Variants in MAPDA observed in about 807,000 individuals in gnomAD.
The protein encoded by MAPDA is N6,N6-dimethyl-AMP deaminase.
chr15:43,339,538 T>G, the MAPDA span, among the ~76,000 whole-genome samples: 1 of 152,262 alleles, frequency 6.6e-6, no homozygotes, highest in South Asian at 2.1e-4. Flanking sequence ...CAGATTAAGA[T>G]TAGGATACCA....
At chr15:43,344,086 T>G in the MAPDA span, among the ~76,000 whole-genome samples, 1 of 152,108 alleles carries the variant, frequency 6.6e-6, no homozygotes, top group African/African-American at 2.4e-5. Flanking sequence ...CTTTAAATCC[T>G]GCACTGGTAC....
the MAPDA span, chr15:43,332,218 G>C: frequency 6.6e-6 from 1 of 152,170 alleles, no homozygotes; most frequent in Non-Finnish European, 1.5e-5. Flanking sequence ...TGTCAGTTTA[G>C]TGTAAGGCAT....
the MAPDA span, among the ~76,000 whole-genome samples, chr15:43,331,390 G>A: frequency 6.6e-6 from 1 of 152,168 alleles, no homozygotes; most frequent in African/African-American, 2.4e-5. Flanking sequence ...TTGGGTGTCT[G>A]GGAGTCATCC....
the MAPDA span, among the ~76,000 whole-genome samples, chr15:43,333,677 C>T: frequency 2.0e-5 from 3 of 152,140 alleles, no homozygotes; most frequent in Non-Finnish European, 4.4e-5. Flanking sequence ...ACTTATTTAA[C>T]CCCACTCAGT....
At chr15:43,348,382 G>C in the MAPDA span, among the ~76,000 whole-genome samples, 1 of 151,950 alleles carries the variant, frequency 6.6e-6, no homozygotes, top group Non-Finnish European at 1.5e-5. Flanking sequence ...TAAGAGTTAT[G>C]TATACCTGAA....
the MAPDA span, chr15:43,347,021 A>T: frequency 6.2e-7 from 1 of 1,613,616 alleles, no homozygotes; most frequent in Non-Finnish European, 8.5e-7. Flanking sequence ...TTAAGGTAGG[A>T]CAAGCAAAAG....
the MAPDA span, among the ~76,000 whole-genome samples, chr15:43,337,539 T>C: frequency 2.6e-5 from 4 of 152,194 alleles, no homozygotes; most frequent in Non-Finnish European, 5.9e-5. Context: ...TTCTGTATCA[T>C]TGATCTGACT....
the MAPDA span, among the ~76,000 whole-genome samples, chr15:43,336,984 T>A: frequency 6.6e-6 from 1 of 152,008 alleles, no homozygotes; most frequent in African/African-American, 2.4e-5. Flanking sequence ...TATGAAATAT[T>A]AGGGCTGGGC....
At chr15:43,346,940 T>C in the MAPDA span, 1 of 1,106,588 alleles carries the variant, frequency 9.0e-7, no homozygotes, top group Non-Finnish European at 1.4e-6. Context: ...ATTATGTTGT[T>C]TATTGGAATG....
chr15:43,336,322 G>A, the MAPDA span, among the ~76,000 whole-genome samples: 19 of 152,132 alleles, frequency 1.2e-4, no homozygotes, highest in Non-Finnish European at 2.9e-5. Context: ...TGGGATTACA[G>A]GCATGAGCCA....
At chr15:43,352,840 C>G in the MAPDA span, 3 of 152,158 alleles carry the variant, frequency 2.0e-5, no homozygotes, top group African/African-American at 4.8e-5. Flanking sequence ...GTTTTGCCCT[C>G]TTTATGATTG....
the MAPDA span, chr15:43,352,708 AAAAAG>A: frequency 2.0e-5 from 3 of 152,242 alleles, no homozygotes; most frequent in African/African-American, 7.2e-5. Flanking sequence ...CTGTTTCAAG[AAAAAG>A]AAAAGTATTC....
chr15:43,335,091 A>C, the MAPDA span: 185 of 1,613,034 alleles, frequency 1.1e-4, 1 homozygote, highest in Non-Finnish European at 1.5e-4. Context: ...GAGAAGAATC[A>C]TTTTTTTCCT....
chr15:43,352,954 T>G, the MAPDA span: 1 of 152,036 alleles, frequency 6.6e-6, no homozygotes, highest in African/African-American at 2.4e-5. Context: ...CTCTCTTTTT[T>G]TTTTTTTTCA....
chr15:43,335,687 A>G, the MAPDA span: 6 of 1,599,078 alleles, frequency 3.8e-6, no homozygotes, highest in East Asian at 1.3e-4. Flanking sequence ...TACTGGTTGT[A>G]TCTCTTAGGA....
chr15:43,330,620 T>G, the MAPDA span: 3 of 1,078,848 alleles, frequency 2.8e-6, no homozygotes, highest in Non-Finnish European at 3.8e-6. Flanking sequence ...CGCCGGCACT[T>G]GTGCGTCACT....
chr15:43,342,524 G>A, the MAPDA span, among the ~76,000 whole-genome samples: 6 of 151,258 alleles, frequency 4.0e-5, no homozygotes, highest in South Asian at 2.1e-4. Flanking sequence ...CAAGGCGGGC[G>A]TGTCACTTTC....
the MAPDA span, chr15:43,335,321 A>G: frequency 1.4e-6 from 1 of 734,172 alleles, no homozygotes; most frequent in South Asian, 1.8e-5. Context: ...GATTCACCTG[A>G]GGTCAGGAGT....
the MAPDA span, chr15:43,351,929 GA>G: frequency 3.9e-6 from 6 of 1,551,002 alleles, no homozygotes; most frequent in East Asian, 1.2e-4. Context: ...CTGAAGCCCA[GA>G]GTGTTACATA....
Sources: allele counts gnomAD v4.1 joint callset (sites outside exome capture counted in the v4.1 genomes callset), GRCh38; gene constraint gnomAD v4.1.1; transcripts MANE v1.5; gene names NCBI Gene and HGNC (gene_info 2026-07-23, HGNC 2026-07-21).